Variants in SPAG17 observed in about 807,000 individuals in gnomAD.
SPAG17 encodes sperm-associated antigen 17.
A neutral mutation model predicts 273.6 loss-of-function variants in SPAG17; 169 were observed. That is an observed-to-expected ratio of 0.62 (90% confidence interval 0.55 to 0.70). SPAG17 has a LOEUF of 0.70. SPAG17 is among the 30% of genes least tolerant of loss of function. The probability of loss-of-function intolerance (pLI) is 0.00; values close to 1 mark genes in which losing one functional copy is unlikely to be tolerated. For missense variants in SPAG17, 2,557 were observed against 2,627.8 expected, an observed-to-expected ratio of 0.97 and a Z score of 0.59; for synonymous variants, 825 against 873.2, an observed-to-expected ratio of 0.94 and a Z score of 0.97.
At chr1:118,185,038 G>C (rs1035962398) in intron 1 of SPAG17, 33 bp downstream of exon 1, 3 of 1,589,000 alleles carry the variant, frequency 1.9e-6, no homozygotes, top group Middle Eastern at 3.3e-4. Flanking sequence ...GCATTGCCGG[G>C]GGCAGGGAGG....
At chr1:117,996,176 A>G (rs1657628958) in intron 34 of SPAG17, among the ~76,000 whole-genome samples, 194 bp downstream of exon 34, 1 of 152,106 alleles carries the variant, frequency 6.6e-6, no homozygotes, top group Admixed American at 6.6e-5. Context: ...TGATATACAC[A>G]TAAATTCAAG....
chr1:118,052,916 T>C (rs2101987285), intron 20 of SPAG17, among the ~76,000 whole-genome samples: 1 of 152,110 alleles, frequency 6.6e-6, no homozygotes, highest in South Asian at 2.1e-4. Context: ...CAGGAGATTA[T>C]TAAAATTAAA....
At chr1:118,146,566 T>C (rs1300301474) in intron 3 of SPAG17, among the ~76,000 whole-genome samples, 1 of 152,222 alleles carries the variant, frequency 6.6e-6, no homozygotes, top group Non-Finnish European at 1.5e-5. Flanking sequence ...ACCATATAAC[T>C]ACAAATGTAG....
rs1048502083 is a variant in SPAG17 at position 118,127,541 on chromosome 1, C to A, written c.316-12100G>T. On this transcript the variant is annotated intron_variant, in intron 3 of 48. Coordinates refer to ENST00000336338, the MANE Select transcript of SPAG17 (RefSeq NM_206996.4). ...TCATGAGGAATTCAACCCCATGATC[C>A]AAACACCTCTCACCAGGCCCTGCCT... 2.6e-5 allele frequency among the ~76,000 whole-genome samples: 4 copies of A among 152,342 alleles called. No homozygotes were observed. The East Asian group carries it at 5.8e-4, about 22-fold the overall frequency.
At chr1:118,044,167 G>A (rs1276279790) in intron 20 of SPAG17, among the ~76,000 whole-genome samples, 1 of 152,118 alleles carries the variant, frequency 6.6e-6, no homozygotes, top group African/African-American at 2.4e-5. Context: ...TTCCTAGAGA[G>A]CTACTGCTTA....
intron 3 of SPAG17, among the ~76,000 whole-genome samples, chr1:118,125,847 T>C (rs886797732): frequency 2.6e-5 from 4 of 152,188 alleles, no homozygotes; most frequent in South Asian, 2.1e-4. Flanking sequence ...GGTACAGATA[T>C]TTCTTTAATA....
intron 3 of SPAG17, among the ~76,000 whole-genome samples, chr1:118,118,769 C>T (rs1657248012): frequency 1.3e-5 from 2 of 152,138 alleles, no homozygotes; most frequent in Admixed American, 1.3e-4. Flanking sequence ...AAGCCATGTT[C>T]ATGTTGTATT....
intron 4 of SPAG17, among the ~76,000 whole-genome samples, chr1:118,109,261 G>A (rs1656609643): frequency 6.6e-6 from 1 of 150,532 alleles, no homozygotes; most frequent in Admixed American, 6.6e-5. Flanking sequence ...CCTGCCTAAT[G>A]TAGGCTGGGT....
chr1:118,136,637 C>A (rs1401420685), intron 3 of SPAG17, among the ~76,000 whole-genome samples: 1 of 152,148 alleles, frequency 6.6e-6, no homozygotes, highest in Admixed American at 6.5e-5. Context: ...GGCCTGCATG[C>A]ATAAAACAGG....
chr1:118,129,433 T>C (rs896805855), intron 3 of SPAG17, among the ~76,000 whole-genome samples: 1 of 152,228 alleles, frequency 6.6e-6, no homozygotes, highest in African/African-American at 2.4e-5. Context: ...TCTGAAACTC[T>C]GGGGGTAGGG....
intron 24 of SPAG17, among the ~76,000 whole-genome samples, chr1:118,034,622 A>G (rs1277576558): frequency 6.6e-6 from 1 of 152,234 alleles, no homozygotes; most frequent in African/African-American, 2.4e-5. Context: ...TGCACATGTC[A>G]GGAGAAAGTA....
In SPAG17 at chr1:117,994,412, T is replaced by C. The variant is rs1355368120; in HGVS notation, c.5172A>G (p.Ser1724=). ...LRSRSWETFP[S]VEKKTPGPPF... is the part of the protein sequence containing the mutation. ...TTTAGAAGAAATTATATACCTCAAC[T>C]GAGGGAAATGTTTCCCATGACCTTG... Residue 1724 remains serine (S), a synonymous_variant, in exon 35 of 49, where the codon TCA becomes TCG. Transcript: ENST00000336338. 1 of 1,612,102 alleles carries C rather than the reference T, an allele frequency of 6.2e-7. No individual in the cohort carries two copies. The highest frequency in any genetic ancestry group is 1.1e-5 in the South Asian group (1 of 90,808).
intron 48 of SPAG17, chr1:117,958,759 T>C (rs1336591656): frequency 4.9e-6 from 3 of 611,404 alleles, no homozygotes; most frequent in East Asian, 5.7e-5. Flanking sequence ...AGAAAGAAAC[T>C]TCTTTGGCTT....
intron 48 of SPAG17, chr1:117,960,810 A>G (rs1203046506): frequency 6.6e-6 from 1 of 152,202 alleles, no homozygotes; most frequent in Non-Finnish European, 1.5e-5. Flanking sequence ...TATGATCTGT[A>G]TTTGTGTGTG....
intron 4 of SPAG17, among the ~76,000 whole-genome samples, chr1:118,110,703 T>C (rs1000314437): frequency 6.6e-6 from 1 of 152,174 alleles, no homozygotes. Flanking sequence ...AACCTGAGGA[T>C]GTTAAATGCA....
chr1:117,991,765 C>T (rs1055026166), intron 36 of SPAG17, among the ~76,000 whole-genome samples: 2 of 152,108 alleles, frequency 1.3e-5, no homozygotes, highest in African/African-American at 4.8e-5. Context: ...TGCATGGGGG[C>T]CTCAGAGAGG....
intron 42 of SPAG17, 144 bp from the exon 43 acceptor site, chr1:117,981,545 T>C: frequency 1.2e-6 from 1 of 807,810 alleles, no homozygotes; most frequent in Non-Finnish European, 1.8e-6. Flanking sequence ...AAAGACTAAA[T>C]ATAAGAAAGC....
chr1:118,093,354 T>G, intron 7 of SPAG17, 37 bp from the exon 8 acceptor site: 1 of 1,563,744 alleles, frequency 6.4e-7, no homozygotes, highest in Non-Finnish European at 8.7e-7. Context: ...TGGTTACTAG[T>G]TTTACACTGT....
intron 25 of SPAG17, among the ~76,000 whole-genome samples, chr1:118,029,708 C>T (rs773246225): frequency 3.9e-5 from 6 of 152,060 alleles, no homozygotes; most frequent in Admixed American, 3.9e-4. Context: ...TTCAAACACT[C>T]CCTAATGATA....
Sources: gnomAD v4.1 joint callset for allele counts (sites outside exome capture counted in the v4.1 genomes callset) on GRCh38, gnomAD v4.1.1 for gene constraint, MANE v1.5 for transcripts, NCBI Gene and HGNC (gene_info 2026-07-23, HGNC 2026-07-21) for gene names.